The following CHD7 variants were observed in gnomAD, a reference collection of about 807,000 sequenced individuals.
The protein encoded by CHD7 is ATP-dependent chromatin remodeler CHD7.
Under a neutral mutation model 307.3 loss-of-function variants are expected in CHD7, and 24 were observed. The observed-to-expected ratio is 0.08, with a 90% CI of 0.06 to 0.11. The LOEUF (loss-of-function observed/expected upper bound fraction) is 0.11, where lower values mean the gene tolerates loss of function less well. Among genes scored for constraint, CHD7 ranks in the 10% least tolerant of loss-of-function variants. CHD7 has a pLI of 1.00. For missense variants in CHD7, 3,106 were observed against 3,727.1 expected (o/e 0.83, Z 4.34); for synonymous variants, 1,363 against 1,349.9 (o/e 1.01, Z -0.21).
chr8:60,771,685 GGGGAGGAA>G (rs2099911406), intron 2 of CHD7, among the ~76,000 whole-genome samples: 15 of 8,170 alleles, frequency 1.8e-3, no homozygotes, highest in African/African-American at 4.6e-3. Context: ...AGTCTTGACT[GGGGAGGAA>G]TCCATGTTCA....
intron 6 of CHD7, 52 bp from the exon 7 acceptor site, chr8:60,808,165 A>G: frequency 1.6e-6 from 2 of 1,244,400 alleles, no homozygotes; most frequent in East Asian, 4.8e-5. Context: ...TACTTTTAAA[A>G]TATTCTAGTA....
rs771367272 is a variant in CHD7 at position 60,821,879 on chromosome 8, C to A, written c.2787C>A (p.Ile929=). ...GGCAGGACATAGATCAAGCAAAGAT[C>A]GAGGAGTTTGAGAAACTAATGTCCA... ...ERRQDIDQAK[I]EEFEKLMSRE... is the part of the protein sequence containing the mutation. Residue 929 remains isoleucine, a synonymous_variant, in exon 10 of 38, where the codon ATC becomes ATA. Transcript: ENST00000423902. 1.9e-6 allele frequency: 3 copies of A among 1,609,812 alleles called. No individual in the cohort carries two copies. The Admixed American group carries it at 5.1e-5, about 27-fold the overall frequency.
At chr8:60,737,515 C>T (rs1241146588) in intron 1 of CHD7, among the ~76,000 whole-genome samples, 1 of 152,196 alleles carries the variant, frequency 6.6e-6, no homozygotes, top group Non-Finnish European at 1.5e-5. Flanking sequence ...CTTCAGAGTG[C>T]TTCCTAACTC....
At chr8:60,772,945 G>A (rs1286025923) in intron 2 of CHD7, among the ~76,000 whole-genome samples, 1 of 152,188 alleles carries the variant, frequency 6.6e-6, no homozygotes, top group Non-Finnish European at 1.5e-5. Flanking sequence ...GTTTGCTTAT[G>A]GTTAGTCAGA....
intron 21 of CHD7, among the ~76,000 whole-genome samples, chr8:60,843,256 C>T (rs1051703703): frequency 6.6e-6 from 1 of 152,216 alleles, no homozygotes; most frequent in South Asian, 2.1e-4. Context: ...GACATCCTCT[C>T]TTGTCTCTTC....
chr8:60,837,427 T>C (rs1216720758), intron 17 of CHD7, among the ~76,000 whole-genome samples: 1 of 152,188 alleles, frequency 6.6e-6, no homozygotes, highest in African/African-American at 2.4e-5. Flanking sequence ...CTCTTCCTGG[T>C]TTATGGACAG....
At chr8:60,787,645 A>G (rs929000943) in intron 3 of CHD7, among the ~76,000 whole-genome samples, 1 of 152,082 alleles carries the variant, frequency 6.6e-6, no homozygotes, top group African/African-American at 2.4e-5. Context: ...TATAGGAACA[A>G]TATAATTTTG....
intron 2 of CHD7, among the ~76,000 whole-genome samples, chr8:60,774,184 ATG>A (rs1359366182): frequency 6.6e-6 from 1 of 152,148 alleles, no homozygotes; most frequent in African/African-American, 2.4e-5. Flanking sequence ...TTGGTAAAGT[ATG>A]TGGATTTTGT....
intron 2 of CHD7, among the ~76,000 whole-genome samples, chr8:60,772,928 T>C (rs1243725100): frequency 6.6e-6 from 1 of 152,224 alleles, no homozygotes; most frequent in Admixed American, 6.5e-5. Flanking sequence ...AATGGGCTCA[T>C]ATTTTGGTTT....
At chr8:60,824,424 G>A (rs751556553) in intron 13 of CHD7, 10 of 236,288 alleles carry the variant, frequency 4.2e-5, no homozygotes, top group Admixed American at 1.6e-4. Context: ...TGTTCAACCC[G>A]TAAGTATAAA....
intron 1 of CHD7, among the ~76,000 whole-genome samples, chr8:60,693,288 G>A (rs1806291961): frequency 6.6e-6 from 1 of 152,210 alleles, no homozygotes; most frequent in Non-Finnish European, 1.5e-5. Context: ...CCCATGTTAG[G>A]GGGACCCTTT....
chr8:60,695,581 C>T (rs1806426298), intron 1 of CHD7, among the ~76,000 whole-genome samples: 1 of 152,120 alleles, frequency 6.6e-6, no homozygotes, highest in Non-Finnish European at 1.5e-5. Context: ...GATGCTTTAG[C>T]AACTCTAATA....
At chr8:60,844,619 G>C (rs1293941132) in intron 21 of CHD7, among the ~76,000 whole-genome samples, 1 of 152,154 alleles carries the variant, frequency 6.6e-6, no homozygotes, top group African/African-American at 2.4e-5. Flanking sequence ...GAAAGGCCAG[G>C]GTTAGCTTTG....
chr8:60,818,935 C>A (rs1254352119), intron 8 of CHD7, among the ~76,000 whole-genome samples: 1 of 152,154 alleles, frequency 6.6e-6, no homozygotes, highest in Non-Finnish European at 1.5e-5. Context: ...ACCCTAACTT[C>A]TTTTGGGTAT....
chr8:60,715,627 T>C (rs994459141), intron 1 of CHD7, among the ~76,000 whole-genome samples: 1 of 152,068 alleles, frequency 6.6e-6, no homozygotes, highest in Non-Finnish European at 1.5e-5. Context: ...CCCCTTCCTC[T>C]TTTTGGCTTC....
intron 25 of CHD7, 116 bp downstream of exon 25, chr8:60,849,270 C>T (rs909167016): frequency 3.1e-5 from 18 of 581,112 alleles, no homozygotes; most frequent in Non-Finnish European, 5.4e-5. Context: ...CCAAAGGACT[C>T]TTGGCGTCTA....
intron 3 of CHD7, among the ~76,000 whole-genome samples, chr8:60,788,683 G>C (rs1357680768): frequency 1.6e-4 from 24 of 152,152 alleles, no homozygotes. Context: ...GAGAACCAAG[G>C]GTGCCTGAGG....
chr8:60,780,676 G>C (rs1440933760), intron 2 of CHD7, among the ~76,000 whole-genome samples: 2 of 152,156 alleles, frequency 1.3e-5, no homozygotes, highest in African/African-American at 4.8e-5. Context: ...TCTTGGTGCT[G>C]TTTTGCCATT....
rs867631169 is a variant in CHD7 at position 60,862,153 on chromosome 8, G to C, written c.7831-43G>C. ...TTGGCATTTATATAGAGAAGAATAA[G>C]TACTAAATACCAATTTTACTAAATA... On this transcript the variant is annotated intron_variant, in intron 35 of 37. Coordinates refer to ENST00000423902, the MANE Select transcript of CHD7 (RefSeq NM_017780.4). 5.3e-6 allele frequency: 8 copies of C among 1,521,532 alleles called. No individual in the cohort carries two copies. The Middle Eastern group carries it at 5.4e-4, about 103-fold the overall frequency. 94.3% of individuals were successfully genotyped at this position (1,521,532 alleles called of 1,614,324 possible).
Sources: gnomAD v4.1 joint callset for allele counts (sites outside exome capture counted in the v4.1 genomes callset) on GRCh38, gnomAD v4.1.1 for gene constraint, MANE v1.5 for transcripts, NCBI Gene and HGNC (gene_info 2026-07-23, HGNC 2026-07-21) for gene names.